Variants in TYRO3 observed in about 807,000 individuals in gnomAD.
TYRO3 encodes the protein TYRO3 protein tyrosine kinase.
Under a neutral mutation model 95.2 loss-of-function variants are expected in TYRO3, and 38 were observed. The ratio of observed to expected loss-of-function variants is 0.40; its 90% CI spans 0.31 to 0.52. The LOEUF (loss-of-function observed/expected upper bound fraction) is 0.52. Among genes scored for constraint, TYRO3 ranks in the 20% least tolerant of loss-of-function variants. TYRO3 has a pLI of 0.56. For missense variants in TYRO3, 812 were observed against 1,116.4 expected (o/e 0.73, Z 3.89); for synonymous variants, 367 against 432.9 (o/e 0.85, Z 1.89).
In TYRO3 at chr15:41,572,447, A is replaced by G. The variant is rs1349990992; in HGVS notation, c.1758A>G (p.Val586=). ...CCTGACTCTCCCTTGTCCCAGGGGT[A>G]AGCCTCCGGAGCAGGGCTAAAGGCC... is the stretch of plus-strand genomic sequence containing the variant. ...DHPHVAKLVG[V]SLRSRAKGRL... is the part of the protein sequence containing the mutation. The change falls in exon 15 of 19, where the codon GTA becomes GTG. Residue 586 remains valine, a synonymous_variant. Coordinates refer to ENST00000263798, the MANE Select transcript of TYRO3 (RefSeq NM_006293.4). The G allele has an allele frequency of 6.2e-7, 1 of 1,614,010 alleles. No individual in the cohort carries two copies. The highest frequency in any genetic ancestry group is 8.5e-7 in the Non-Finnish European group (1 of 1,179,988).
In TYRO3 at chr15:41,565,048, C is replaced by T. The variant is rs1270355512; in HGVS notation, c.690C>T (p.Asn230=). ...HLQALPAAPF[N]ITVTKLSSSN... ...CAGCACTGCCTGCAGCCCCCTTCAACATCACCGTGACAAAGCTTTCCAGCA... is the reference window on the plus strand; with the variant it reads ...CAGCACTGCCTGCAGCCCCCTTCAATATCACCGTGACAAAGCTTTCCAGCA... Residue 230 remains asparagine (N), a synonymous_variant, in exon 6 of 19, where the codon AAC becomes AAT. Transcript: ENST00000263798. The T allele has an allele frequency of 8.7e-6, 14 of 1,612,602 alleles. No individual in the cohort carries two copies. Among genetic ancestry groups the T allele is most frequent in the Non-Finnish European group, 1.2e-5 (14 of 1,179,970 alleles).
chr15:41,573,372 G>C lies in TYRO3; in HGVS notation c.2050G>C (p.Asp684His). The change falls in exon 17 of 19, where the codon GAC (aspartate) becomes CAC (histidine). Residue 684 changes from aspartate (D) to histidine (H), a missense_variant. Transcript: ENST00000263798. ...FGLSRKIYSG[D>H]YYRQGCASKL... ...ACTCTCCCGGAAGATCTACAGTGGG[G>C]ACTACTATCGTCAAGGCTGTGCCTC... The C allele has an allele frequency of 6.2e-7, 1 of 1,614,266 alleles. No homozygotes were observed. The highest frequency in any genetic ancestry group is 8.5e-7 in the Non-Finnish European group (1 of 1,180,058).
chr15:41,572,120 C>T (rs1029586704), intron 14 of TYRO3, among the ~76,000 whole-genome samples: 5 of 152,132 alleles, frequency 3.3e-5, no homozygotes, highest in African/African-American at 1.2e-4. Flanking sequence ...CATTTGAGCC[C>T]AGAACATTGA....
At chr15:41,568,786 T>G in intron 8 of TYRO3, 92 bp from the exon 9 acceptor site, 1 of 1,475,802 alleles carries the variant, frequency 6.8e-7, no homozygotes, top group Non-Finnish European at 9.1e-7. Flanking sequence ...TATACTCCCA[T>G]GTTCCCAGCT....
chr15:41,573,175 G>T, intron 16 of TYRO3, 64 bp downstream of exon 16: 1 of 1,581,600 alleles, frequency 6.3e-7, no homozygotes, highest in Non-Finnish European at 8.7e-7. Flanking sequence ...GCTAGCTGAT[G>T]GTCGGCTCCT....
intron 6 of TYRO3, among the ~76,000 whole-genome samples, chr15:41,566,980 A>G (rs2140824606): frequency 6.6e-6 from 1 of 152,276 alleles, no homozygotes; most frequent in South Asian, 2.1e-4. Flanking sequence ...AAGCTCTAGA[A>G]CTTTGGAGTG....
At chr15:41,570,758 T>C in intron 12 of TYRO3, 59 bp downstream of exon 12, 1 of 1,525,988 alleles carries the variant, frequency 6.6e-7, no homozygotes, top group Non-Finnish European at 9.1e-7. Flanking sequence ...AAGTGTTTGG[T>C]TGCCCCTGTC....
At chr15:41,572,005 A>AC (rs1431529965) in intron 14 of TYRO3, among the ~76,000 whole-genome samples, 1 of 151,642 alleles carries the variant, frequency 6.6e-6, no homozygotes, top group Non-Finnish European at 1.5e-5. Context: ...TTAAAAAAAA[A>AC]AAACAAAACA....
chr15:41,575,679 A>G (rs1247941055), intron 18 of TYRO3, among the ~76,000 whole-genome samples: 3 of 152,164 alleles, frequency 2.0e-5, no homozygotes, highest in Non-Finnish European at 2.9e-5. Context: ...AGAGTCAGGC[A>G]TTTGCATTCA....
intron 11 of TYRO3, 81 bp from the exon 12 acceptor site, chr15:41,570,523 G>T: frequency 7.3e-7 from 1 of 1,371,328 alleles, no homozygotes; most frequent in South Asian, 1.2e-5. Context: ...TATGCTCTGA[G>T]GGCAGAGTCT....
intron 6 of TYRO3, among the ~76,000 whole-genome samples, chr15:41,565,346 C>G (rs1005399803): frequency 6.6e-6 from 1 of 152,104 alleles, no homozygotes; most frequent in African/African-American, 2.4e-5. Flanking sequence ...GGCTCAAACT[C>G]ATGCATTCAT....
Position 41,578,682 on chromosome 15 carries a change from G to A in TYRO3, c.*406G>A, listed in dbSNP as rs1473511877. The A allele has an allele frequency of 4.1e-6, 1 of 242,054 alleles. No individual in the cohort carries two copies. Among genetic ancestry groups the A allele is most frequent in the Non-Finnish European group, 7.8e-6 (1 of 127,408 alleles). 15.0% of individuals were successfully genotyped at this position (242,054 alleles called of 1,614,324 possible). A position where few individuals can be genotyped will look rare whatever the true frequency, so the allele number is the denominator to read the frequency against. On this transcript the variant is annotated 3_prime_UTR_variant, in exon 19 of 19. Transcript: ENST00000263798. ...GCATGCATTGAGCTGCCTCCAGCCT[G>A]GTGGCCCAGCTATTACCACACTTGG...
At position 41,570,165 on chromosome 15, in the gene TYRO3, A is replaced by T. The variant is rs2140828746; in HGVS notation, c.1382+9A>T. Reference sequence around the variant, plus strand: ...AAAGAGACGCGGTTTGGGTAAGGGGATGGGGATGTGGAGGGAGAGGCAGGT... The same window carrying T: ...AAAGAGACGCGGTTTGGGTAAGGGGTTGGGGATGTGGAGGGAGAGGCAGGT... On this transcript the variant is annotated intron_variant, in intron 10 of 18. Transcript: ENST00000263798. The T allele has an allele frequency of 1.0e-6, 1 of 983,120 alleles. No homozygotes were observed. The highest frequency in any genetic ancestry group is 1.5e-5 in the African/African-American group (1 of 65,758). The allele number at this position is 983,120 out of a possible 1,614,324, so 60.9% of individuals were successfully genotyped here. A position where few individuals can be genotyped will look rare whatever the true frequency, so the allele number is the denominator to read the frequency against.
intron 7 of TYRO3, among the ~76,000 whole-genome samples, chr15:41,567,824 G>A (rs547545308): frequency 3.3e-5 from 5 of 152,346 alleles, no homozygotes; most frequent in Non-Finnish European, 7.3e-5. Flanking sequence ...TCTGGGATCT[G>A]AACGATAAAG....
rs1159801621 is a variant in TYRO3 at position 41,569,879 on chromosome 15, CTT to C, written c.1253-147_1253-146del. ...TGTCTCTGACCAGGTAGGAAGGACTCTTAGGCATTCCTCTGGAGCCCCTTTCC... is the reference window on the plus strand; with the variant it reads ...TGTCTCTGACCAGGTAGGAAGGACTCAGGCATTCCTCTGGAGCCCCTTTCC... On this transcript the variant is annotated intron_variant, in intron 9 of 18. Transcript: ENST00000263798. 5.9e-6 allele frequency: 6 copies of C among 1,013,358 alleles called. No individual in the cohort carries two copies. The East Asian group carries it at 1.0e-4, about 18-fold the overall frequency. The allele number at this position is 1,013,358 out of a possible 1,614,324, so 62.8% of individuals were successfully genotyped here. A position where few individuals can be genotyped will look rare whatever the true frequency, so the allele number is the denominator to read the frequency against.
At chr15:41,563,879 G>C (rs900206046) in intron 4 of TYRO3, among the ~76,000 whole-genome samples, 3 of 152,222 alleles carry the variant, frequency 2.0e-5, no homozygotes, top group African/African-American at 4.8e-5. Flanking sequence ...CTGTGTGTGG[G>C]AGATGGGATG....
Position 41,578,965 on chromosome 15 carries a change from G to A in TYRO3, c.*689G>A, listed in dbSNP as rs978581529. 6.5e-6 allele frequency: 1 copy of A among 153,592 alleles called. No homozygotes were observed. The highest frequency in any genetic ancestry group is 1.4e-5 in the Non-Finnish European group (1 of 69,178). The allele number at this position is 153,592 out of a possible 1,614,324, so 9.5% of individuals were successfully genotyped here. On this transcript the variant is annotated 3_prime_UTR_variant, in exon 19 of 19. Coordinates refer to ENST00000263798, the MANE Select transcript of TYRO3 (RefSeq NM_006293.4). ...AAGGCAGCGTGCCGAGCCAGCAAGA[G>A]GAAGGGGTGCTGTGAGGCTTGCCCA...
intron 6 of TYRO3, among the ~76,000 whole-genome samples, chr15:41,565,759 C>A (rs1159824816): frequency 2.6e-5 from 4 of 152,000 alleles, no homozygotes; most frequent in East Asian, 1.9e-4. Flanking sequence ...AAAGCTCAAA[C>A]CTTTGCTGAT....
intron 14 of TYRO3, among the ~76,000 whole-genome samples, chr15:41,572,023 TACACAC>T (rs1264943629): frequency 1.3e-5 from 2 of 149,542 alleles, no homozygotes; most frequent in African/African-American, 2.5e-5. Flanking sequence ...ACAAAAAACA[TACACAC>T]ACACACACGT....
Sources: allele counts gnomAD v4.1 joint callset (sites outside exome capture counted in the v4.1 genomes callset), GRCh38; gene constraint gnomAD v4.1.1; transcripts MANE v1.5; gene names NCBI Gene and HGNC (gene_info 2026-07-23, HGNC 2026-07-21).